SF3A3: variants seen among roughly 807,000 people sequenced by gnomAD.
SF3A3 encodes the protein splicing factor 3a subunit 3, also known as SAP 61.
SF3A3 carries 9 observed loss-of-function variants against 85.8 expected under a neutral mutation model. The ratio of observed to expected loss-of-function variants is 0.10; its 90% CI spans 0.06 to 0.18. SF3A3 has a LOEUF of 0.18. Ranked by LOEUF, SF3A3 falls within the 10% of genes least tolerant of loss-of-function variation. The pLI, the probability that SF3A3 is intolerant of heterozygous loss-of-function variation, is 1.00. For synonymous variants in SF3A3, 195 were observed against 204.4 expected (o/e 0.95, Z 0.39); for missense variants, 306 against 593.3 (o/e 0.52, Z 5.03).
At chr1:37,968,394 C>A (rs1450376365) in intron 14 of SF3A3, among the ~76,000 whole-genome samples, 1 of 152,142 alleles carries the variant, frequency 6.6e-6, no homozygotes, top group Non-Finnish European at 1.5e-5. Flanking sequence ...ATACATAAAA[C>A]CTCTGGGTCA....
intron 4 of SF3A3, among the ~76,000 whole-genome samples, chr1:37,985,069 A>G (rs1361807901): frequency 6.6e-6 from 1 of 152,160 alleles, no homozygotes; most frequent in Non-Finnish European, 1.5e-5. Flanking sequence ...TGGCCTCCCA[A>G]AGTGCTGGGA....
At chr1:37,973,376 C>T (rs1418824364) in intron 12 of SF3A3, among the ~76,000 whole-genome samples, 7 of 152,126 alleles carry the variant, frequency 4.6e-5, no homozygotes. Context: ...AGAGCTTCTG[C>T]ACAGCAAAAG....
Position 37,962,285 on chromosome 1 carries a change from C to CA in SF3A3, c.1373-2111dup, listed in dbSNP as rs10559284. On this transcript the variant is annotated intron_variant, in intron 15 of 16. Coordinates refer to ENST00000373019, the MANE Select transcript of SF3A3 (RefSeq NM_006802.4). ...AGCCTGGGTGACAGAGCGAGACTGTCAAAAAAAAAAAAAAAAAAAAAAAAA... is the reference window on the plus strand; with the variant it reads ...AGCCTGGGTGACAGAGCGAGACTGTCAAAAAAAAAAAAAAAAAAAAAAAAAA... 1.7e-3 allele frequency among the ~76,000 whole-genome samples: 45 copies of CA among 26,538 alleles called. 9 individuals carry two copies. The highest frequency in any genetic ancestry group is 2.8e-3 in the South Asian group (1 of 356). The allele number at this position is 26,538 out of a possible 152,430, so 17.4% of individuals were successfully genotyped here.
At chr1:37,973,093 C>G (rs868859280) in intron 12 of SF3A3, among the ~76,000 whole-genome samples, 1 of 152,134 alleles carries the variant, frequency 6.6e-6, no homozygotes, top group Admixed American at 6.5e-5. Context: ...GCAGGAGAAT[C>G]GCTTGGAACC....
rs1382305053 is a variant in SF3A3 at position 37,989,797 on chromosome 1, G to GC, written c.96+72dup. ...AGGCAGGGAGGTTCTGAGGGCCAAA[G>GC]CAAGCTCTCAGAGGTCAAACACGGG... On this transcript the variant is annotated intron_variant, in intron 1 of 16. Coordinates refer to ENST00000373019, the MANE Select transcript of SF3A3 (RefSeq NM_006802.4). 9.6e-6 allele frequency: 13 copies of GC among 1,351,340 alleles called. No homozygotes were observed. The Admixed American group carries it at 2.2e-4, about 23-fold the overall frequency. The allele number at this position is 1,351,340 out of a possible 1,614,324, so 83.7% of individuals were successfully genotyped here. A position where few individuals can be genotyped will look rare whatever the true frequency, so the allele number is the denominator to read the frequency against.
chr1:37,980,285 G>A (rs1646408728), intron 8 of SF3A3, among the ~76,000 whole-genome samples: 1 of 152,106 alleles, frequency 6.6e-6, no homozygotes. Context: ...TTAGCCGGGT[G>A]TGGAGGCGCG....
At chr1:37,974,354 G>A (rs1570462299) in intron 12 of SF3A3, among the ~76,000 whole-genome samples, 1 of 141,652 alleles carries the variant, frequency 7.1e-6, no homozygotes, top group African/African-American at 2.7e-5. Flanking sequence ...CCAAGCTGGA[G>A]TGCAGTGGCG....
At chr1:37,962,660 C>T (rs1256463307) in intron 15 of SF3A3, among the ~76,000 whole-genome samples, 2 of 148,754 alleles carry the variant, frequency 1.3e-5, no homozygotes, top group African/African-American at 2.5e-5. Context: ...ACCTAAATGG[C>T]GATTTCCGGT....
At chr1:37,989,775 C>T in intron 1 of SF3A3, 95 bp downstream of exon 1, 3 of 1,247,026 alleles carry the variant, frequency 2.4e-6, no homozygotes, top group Non-Finnish European at 2.3e-6. Flanking sequence ...CGGAGGAAGG[C>T]AGGGAGGTTC....
chr1:37,964,133 T>G (rs1431482804), intron 15 of SF3A3, among the ~76,000 whole-genome samples: 1 of 151,626 alleles, frequency 6.6e-6, no homozygotes, highest in Admixed American at 6.6e-5. Flanking sequence ...GAGCAGAGAT[T>G]GCGCCACTGC....
chr1:37,984,151 C>T lies in SF3A3; in HGVS notation c.468+18G>A, dbSNP rs182029972. On this transcript the variant is annotated intron_variant, in intron 6 of 16. Coordinates refer to ENST00000373019, the MANE Select transcript of SF3A3 (RefSeq NM_006802.4). ...CACTTCGAGAATCAGAACCTCTCTG[C>T]CCTTTCCCAGGCCTTACCTCAGATG... 15 of 1,452,334 alleles carry T rather than the reference C, an allele frequency of 1.0e-5. No homozygotes were observed. In the Admixed American group the frequency reaches 2.4e-4, roughly 23 times the overall value. 90.0% of individuals were successfully genotyped at this position (1,452,334 alleles called of 1,614,324 possible). A position where few individuals can be genotyped will look rare whatever the true frequency, so the allele number is the denominator to read the frequency against.
intron 12 of SF3A3, among the ~76,000 whole-genome samples, chr1:37,970,645 A>G (rs982268593): frequency 6.6e-6 from 1 of 152,242 alleles, no homozygotes; most frequent in African/African-American, 2.4e-5. Context: ...AACAGAAATT[A>G]TAACAAACTG....
At chr1:37,974,366 A>T (rs1381375775) in intron 12 of SF3A3, among the ~76,000 whole-genome samples, 1 of 134,286 alleles carries the variant, frequency 7.4e-6, no homozygotes, top group Non-Finnish European at 1.5e-5. Context: ...GCAGTGGCGC[A>T]ATCTCGGCTC....
intron 6 of SF3A3, among the ~76,000 whole-genome samples, chr1:37,983,583 T>C (rs1646434920): frequency 4.3e-4 from 1 of 2,346 alleles, no homozygotes; most frequent in South Asian, 0.014. Context: ...TGAGACCCTG[T>C]CTCAAAAAAA....
chr1:37,959,226 G>C (rs1646240706), intron 16 of SF3A3, among the ~76,000 whole-genome samples: 1 of 151,870 alleles, frequency 6.6e-6, no homozygotes, highest in African/African-American at 2.4e-5. Flanking sequence ...CCACAGGCAT[G>C]TGCCACCACT....
In SF3A3 at chr1:37,958,280, A is replaced by G. The variant is rs1472335194; in HGVS notation, c.1429-17T>C. 6.4e-7 allele frequency: 1 copy of G among 1,567,086 alleles called. No individual in the cohort carries two copies. The highest frequency in any genetic ancestry group is 1.7e-5 in the Admixed American group (1 of 59,962). On this transcript the variant is annotated splice_polypyrimidine_tract_variant and intron_variant, in intron 16 of 16. Transcript: ENST00000373019. Reference sequence around the variant, plus strand: ...ATATTCTTCCTGAAAAGGAAGGGGTACACTTTGTTAGACAGCTCTCCTAAA... The same window carrying G: ...ATATTCTTCCTGAAAAGGAAGGGGTGCACTTTGTTAGACAGCTCTCCTAAA...
At chr1:37,965,504 A>C (rs1318834270) in intron 15 of SF3A3, among the ~76,000 whole-genome samples, 1 of 152,176 alleles carries the variant, frequency 6.6e-6, no homozygotes, top group Admixed American at 6.5e-5. Context: ...CTGCAATCCC[A>C]GCACTTTCGG....
intron 2 of SF3A3, among the ~76,000 whole-genome samples, chr1:37,989,258 G>A (rs1440094379): frequency 3.3e-5 from 5 of 151,596 alleles, no homozygotes; most frequent in Non-Finnish European, 2.9e-5. Flanking sequence ...CCGCGCCACT[G>A]CACTCCAGCC....
At chr1:37,988,884 T>G (rs1166528728) in intron 2 of SF3A3, among the ~76,000 whole-genome samples, 3 of 146,068 alleles carry the variant, frequency 2.1e-5, no homozygotes, top group Non-Finnish European at 4.5e-5. Context: ...TGTGTGTATA[T>G]ATATATATAT....
Sources: allele counts gnomAD v4.1 joint callset (sites outside exome capture counted in the v4.1 genomes callset), GRCh38; gene constraint gnomAD v4.1.1; transcripts MANE v1.5; gene names NCBI Gene and HGNC (gene_info 2026-07-23, HGNC 2026-07-21).